GRIA3: variants seen among roughly 807,000 people sequenced by gnomAD.
GRIA3 encodes the protein glutamate receptor 3.
A neutral mutation model predicts 63.0 loss-of-function variants in GRIA3; 3 were observed. That is an observed-to-expected ratio of 0.05 (90% CI 0.02 to 0.12). The LOEUF (loss-of-function observed/expected upper bound fraction) is 0.12. GRIA3 is among the 10% of genes least tolerant of loss of function. The pLI, the probability that GRIA3 is intolerant of heterozygous loss-of-function variation, is 1.00. For missense variants in GRIA3, 347 were observed against 700.9 expected (o/e 0.50, Z 5.70); for synonymous variants, 274 against 257.9 (o/e 1.06, Z -0.60).
chrX:123,247,501 G>A (rs1023410506), intron 2 of GRIA3, among the ~76,000 whole-genome samples: 9 of 111,280 alleles, frequency 8.1e-5, no homozygotes, highest in African/African-American at 2.0e-4. Flanking sequence ...AGTCAGAAAC[G>A]ACATCTTCAA....
At position 123,428,033 on chromosome X, in the gene GRIA3, CTG is replaced by C. The variant is rs781125641; in HGVS notation, c.1973_1974del (p.Val658GlyfsTer11). The stretch of plus-strand genomic sequence containing the variant: ...ACTGCCAATCTCGCTGCTTTCCTGA[CTG>C]TGGAGAGGATGGTTTCTCCCATAGA... On this transcript the variant is annotated frameshift_variant, in exon 12 of 16. Transcript: ENST00000620443. LOFTEE classifies it high-confidence loss of function. The C allele has an allele frequency of 8.4e-7, 1 of 1,194,446 alleles. No homozygotes were observed. The highest frequency in any genetic ancestry group is 1.1e-6 in the Non-Finnish European group (1 of 880,032).
chrX:123,281,765 A>G (rs2044587311), intron 3 of GRIA3, among the ~76,000 whole-genome samples: 1 of 112,007 alleles, frequency 8.9e-6, no homozygotes, highest in Non-Finnish European at 1.9e-5. Flanking sequence ...AGATCAACTG[A>G]TAAAATTTTA....
intron 10 of GRIA3, among the ~76,000 whole-genome samples, chrX:123,413,557 A>C (rs1255273811): frequency 3.1e-5 from 3 of 96,655 alleles, no homozygotes; most frequent in African/African-American, 4.2e-5. Context: ...AAAAAAAAAA[A>C]AAAAAAAAAA....
chrX:123,454,117 A>ATT (rs2045749320), intron 12 of GRIA3, among the ~76,000 whole-genome samples: 1 of 110,895 alleles, frequency 9.0e-6, no homozygotes, highest in Admixed American at 9.6e-5. Context: ...CCTTGAAATG[A>ATT]TGCTAAAGTA....
chrX:123,484,812 A>T (rs142371513), intron 15 of GRIA3, among the ~76,000 whole-genome samples: 128 of 112,606 alleles, frequency 1.1e-3, no homozygotes, highest in Middle Eastern at 4.6e-3. Context: ...CTTATAGTTC[A>T]CACTGTGGAT....
At chrX:123,462,396 C>T (rs2045798058) in intron 12 of GRIA3, among the ~76,000 whole-genome samples, 1 of 111,902 alleles carries the variant, frequency 8.9e-6, no homozygotes, top group African/African-American at 3.2e-5. Flanking sequence ...TACGACTCTC[C>T]CTTTTTCTCA....
intron 3 of GRIA3, among the ~76,000 whole-genome samples, chrX:123,319,501 C>T (rs1006556682): frequency 1.8e-5 from 2 of 111,390 alleles, no homozygotes; most frequent in African/African-American, 6.5e-5. Flanking sequence ...AATTTTTGTA[C>T]TTTCTGTGTT....
chrX:123,317,129 C>A (rs763036145), intron 3 of GRIA3, among the ~76,000 whole-genome samples: 5 of 111,276 alleles, frequency 4.5e-5, no homozygotes, highest in Non-Finnish European at 9.4e-5. Context: ...CCCATCAGAT[C>A]TCTTGAGACT....
intron 5 of GRIA3, among the ~76,000 whole-genome samples, chrX:123,376,519 G>T (rs1461652081): frequency 4.5e-5 from 5 of 111,900 alleles, no homozygotes; most frequent in African/African-American, 1.3e-4. Context: ...ATAGAATCTG[G>T]GAATATATGA....
chrX:123,202,911 G>T, intron 2 of GRIA3: 1 of 676,295 alleles, frequency 1.5e-6, no homozygotes. Context: ...TTCCAGGCAA[G>T]TCAAAGTCAA....
intron 3 of GRIA3, among the ~76,000 whole-genome samples, chrX:123,295,690 G>C (rs1262734162): frequency 9.0e-6 from 1 of 111,459 alleles, no homozygotes; most frequent in African/African-American, 3.3e-5. Flanking sequence ...TATAAAAAAG[G>C]AAATGAATAA....
chrX:123,256,597 A>G (rs138363159), intron 3 of GRIA3, among the ~76,000 whole-genome samples: 1,145 of 112,085 alleles, frequency 0.01, 6 homozygotes, highest in Non-Finnish European at 0.013. Flanking sequence ...AAAGGATAAC[A>G]AGTAGGTAGA....
chrX:123,358,571 C>T (rs775631798), intron 5 of GRIA3: 1 of 111,948 alleles, frequency 8.9e-6, no homozygotes, highest in Non-Finnish European at 1.9e-5. Flanking sequence ...GGAGTACAAC[C>T]CAGAGATGTG....
chrX:123,297,425 T>C (rs752289599), intron 3 of GRIA3, among the ~76,000 whole-genome samples: 20 of 112,269 alleles, frequency 1.8e-4, no homozygotes, highest in Non-Finnish European at 3.0e-4. Flanking sequence ...AATGCAATCA[T>C]AGGGAAGATC....
chrX:123,369,761 T>G (rs1409511224), intron 5 of GRIA3, among the ~76,000 whole-genome samples: 1 of 112,194 alleles, frequency 8.9e-6, no homozygotes, highest in Non-Finnish European at 1.9e-5. Flanking sequence ...TGGTGGCCAT[T>G]TCTGCTATGT....
At chrX:123,329,578 G>A (rs987595398) in intron 4 of GRIA3, among the ~76,000 whole-genome samples, 1 of 111,863 alleles carries the variant, frequency 8.9e-6, no homozygotes, top group African/African-American at 3.2e-5. Flanking sequence ...TACCAGAGAA[G>A]CATTCTAAAC....
intron 3 of GRIA3, among the ~76,000 whole-genome samples, chrX:123,284,766 G>A (rs972221483): frequency 3.6e-5 from 4 of 111,383 alleles, no homozygotes; most frequent in East Asian, 2.8e-4. Flanking sequence ...AGACTAAACC[G>A]GCATTTGATT....
Position 123,434,290 on chromosome X carries a change from T to A in GRIA3, c.2076+6151T>A, listed in dbSNP as rs754861966. Among the ~76,000 whole-genome samples, 231 of 111,895 alleles carry A rather than the reference T, an allele frequency of 2.1e-3. 2 individuals are homozygous for A. The highest frequency in any genetic ancestry group is 7.0e-3 in the African/African-American group (216 of 30,820). ...AATGTAAAAATCTTTTGTTAAAAAT[T>A]TTTCTCACCAAACACCATGGTGAAT... On this transcript the variant is annotated intron_variant, in intron 12 of 15. Transcript: ENST00000620443.
chrX:123,436,410 A>G (rs917623537), intron 12 of GRIA3, among the ~76,000 whole-genome samples: 1 of 111,534 alleles, frequency 9.0e-6, no homozygotes, highest in Non-Finnish European at 1.9e-5. Flanking sequence ...ACCCTTAAAT[A>G]TAAAATATTA....
Sources: gnomAD v4.1 joint callset for allele counts (sites outside exome capture counted in the v4.1 genomes callset) on GRCh38, gnomAD v4.1.1 for gene constraint, MANE v1.5 for transcripts, NCBI Gene and HGNC (gene_info 2026-07-23, HGNC 2026-07-21) for gene names.